CCDC148: variants seen among roughly 807,000 people sequenced by gnomAD.
CCDC148 encodes the protein coiled-coil domain containing 148, also known as coiled-coil domain-containing protein 148.
A neutral mutation model predicts 85.7 loss-of-function variants in CCDC148; 89 were observed. The ratio of observed to expected loss-of-function variants is 1.04; its 90% CI spans 0.87 to 1.24. CCDC148 has a LOEUF of 1.24. Ranked by LOEUF, CCDC148 falls within the 50% of genes most tolerant of loss-of-function variation. The pLI is 0.00. For synonymous variants in CCDC148, 230 were observed against 213.9 expected (o/e 1.08, Z -0.66); for missense variants, 692 against 671.7 (o/e 1.03, Z -0.33).
At chr2:158,338,121 G>A (rs948363690) in intron 7 of CCDC148, among the ~76,000 whole-genome samples, 1 of 151,960 alleles carries the variant, frequency 6.6e-6, no homozygotes, top group South Asian at 2.1e-4. Flanking sequence ...TGGTGTATCC[G>A]GATTTGTCAT....
intron 9 of CCDC148, among the ~76,000 whole-genome samples, chr2:158,268,418 C>T (rs145492819): frequency 9.9e-5 from 15 of 152,106 alleles, no homozygotes; most frequent in African/African-American, 2.7e-4. Context: ...TACCATCTCA[C>T]GTCCTCTATA....
rs1558959680 is a variant in CCDC148, at chr2:158,178,876, C to A, written c.1488+3G>T. 1 of 1,601,942 alleles carries A rather than the reference C, an allele frequency of 6.2e-7. No individual in the cohort carries two copies. Among genetic ancestry groups the A allele is most frequent in the Non-Finnish European group, 8.5e-7 (1 of 1,172,218 alleles). ...CCCATGAAAATTTCCAAATGAAAAA[C>A]ACCTGTTTCCTAAGGGCTTCTAGCC... On this transcript the variant is annotated splice_donor_region_variant and intron_variant, in intron 12 of 13. Transcript: ENST00000283233.
At chr2:158,220,775 GCCATAA>G in intron 10 of CCDC148, 62 bp from the exon 11 acceptor site, 1 of 1,294,500 alleles carries the variant, frequency 7.7e-7, no homozygotes, top group Non-Finnish European at 1.1e-6. Context: ...TGAGGGAAAA[GCCATAA>G]CCATATCCAC....
At chr2:158,195,101 A>T (rs1685605760) in intron 11 of CCDC148, among the ~76,000 whole-genome samples, 2 of 151,898 alleles carry the variant, frequency 1.3e-5, no homozygotes, top group Non-Finnish European at 2.9e-5. Context: ...CTACATATGG[A>T]CCTACATTGG....
At chr2:158,433,921 G>A (rs1218546749) in intron 1 of CCDC148, among the ~76,000 whole-genome samples, 1 of 152,212 alleles carries the variant, frequency 6.6e-6, no homozygotes, top group East Asian at 1.9e-4. Context: ...AGCGAGGCTG[G>A]GGGAGGGGCG....
intron 1 of CCDC148, among the ~76,000 whole-genome samples, chr2:158,437,711 T>C (rs1357204435): frequency 6.6e-6 from 1 of 152,214 alleles, no homozygotes; most frequent in African/African-American, 2.4e-5. Context: ...GATGACATAA[T>C]TGTATATCTA....
At chr2:158,341,444 C>T (rs904077534) in intron 3 of CCDC148, among the ~76,000 whole-genome samples, 8 of 151,830 alleles carry the variant, frequency 5.3e-5, no homozygotes, top group Non-Finnish European at 1.2e-4. Flanking sequence ...GTAGGTGGAA[C>T]TACAGGCATG....
chr2:158,358,114 G>A lies in CCDC148; in HGVS notation c.147+335C>T, dbSNP rs190390815. ...GAGAAGGAGCCTTAATCAGATAATA[G>A]TCCATGGCTGGTAATTACTAACAAT... On this transcript the variant is annotated intron_variant, in intron 2 of 13. Transcript: ENST00000283233. Among the ~76,000 whole-genome samples, 278 of 152,240 alleles carry A rather than the reference G, an allele frequency of 1.8e-3. 1 individual carries two copies. Among genetic ancestry groups the A allele is most frequent in the African/African-American group, 6.2e-3 (259 of 41,540 alleles).
intron 11 of CCDC148, among the ~76,000 whole-genome samples, chr2:158,203,114 C>T (rs542175379): frequency 6.6e-6 from 1 of 152,222 alleles, no homozygotes; most frequent in South Asian, 2.1e-4. Context: ...GTAACTGGAA[C>T]CTTGGTCTGT....
At chr2:158,447,566 C>T (rs929236816) in intron 1 of CCDC148, 14 of 152,174 alleles carry the variant, frequency 9.2e-5, no homozygotes, top group Non-Finnish European at 1.8e-4. Flanking sequence ...TCTTTGTCAT[C>T]ACTGTGTATT....
At chr2:158,354,234 G>A (rs1482246389) in intron 2 of CCDC148, among the ~76,000 whole-genome samples, 3 of 151,922 alleles carry the variant, frequency 2.0e-5, no homozygotes, top group African/African-American at 7.3e-5. Flanking sequence ...AATCAGAGCA[G>A]AACTGAAGGA....
chr2:158,213,746 A>G (rs1686697752), intron 11 of CCDC148, among the ~76,000 whole-genome samples: 1 of 152,108 alleles, frequency 6.6e-6, no homozygotes, highest in African/African-American at 2.4e-5. Context: ...ACTACCCAAC[A>G]TAAAGAATGC....
intron 1 of CCDC148, among the ~76,000 whole-genome samples, chr2:158,397,297 G>A (rs950565687): frequency 6.6e-6 from 1 of 152,018 alleles, no homozygotes; most frequent in African/African-American, 2.4e-5. Flanking sequence ...GATAATCCTC[G>A]AGAAGAGTAA....
Position 158,323,485 on chromosome 2 carries a change from T to C in CCDC148, c.765-9591A>G, listed in dbSNP as rs72942332. ...ACTTAAAATTACATATGTGCTCACA[T>C]GTATAGCTTTTATCATATTTCTATG... On this transcript the variant is annotated intron_variant, in intron 7 of 13. Coordinates refer to ENST00000283233, the MANE Select transcript of CCDC148 (RefSeq NM_138803.4). Among the ~76,000 whole-genome samples the C allele has an allele frequency of 4.8e-3, 724 of 152,350 alleles. 2 individuals are homozygous for C. Among genetic ancestry groups the C allele is most frequent in the Non-Finnish European group, 8.0e-3 (542 of 68,026 alleles).
chr2:158,218,415 T>G (rs1687002973), intron 11 of CCDC148, among the ~76,000 whole-genome samples: 1 of 152,130 alleles, frequency 6.6e-6, no homozygotes, highest in African/African-American at 2.4e-5. Flanking sequence ...ATATGCTTAT[T>G]TTTTTTCTTT....
chr2:158,298,293 T>C (rs1691288282), intron 9 of CCDC148, among the ~76,000 whole-genome samples: 1 of 152,124 alleles, frequency 6.6e-6, no homozygotes, highest in Non-Finnish European at 1.5e-5. Flanking sequence ...CACCATTGTT[T>C]TCAGGAGTTT....
intron 1 of CCDC148, among the ~76,000 whole-genome samples, chr2:158,385,719 C>A (rs1685057753): frequency 6.6e-6 from 1 of 152,082 alleles, no homozygotes; most frequent in East Asian, 1.9e-4. Flanking sequence ...TAGGTCTTAG[C>A]CTCCTGACAC....
chr2:158,322,450 T>C (rs189558273), intron 7 of CCDC148, among the ~76,000 whole-genome samples: 2 of 152,164 alleles, frequency 1.3e-5, no homozygotes, highest in Admixed American at 1.3e-4. Context: ...GATATGTGTA[T>C]AGTTTTTTTT....
chr2:158,175,260 C>G (rs1684521084), intron 13 of CCDC148, among the ~76,000 whole-genome samples: 1 of 152,066 alleles, frequency 6.6e-6, no homozygotes, highest in Admixed American at 6.6e-5. Flanking sequence ...CTCCCCACTT[C>G]AGCAGCTAGG....
Sources: allele counts gnomAD v4.1 joint callset (sites outside exome capture counted in the v4.1 genomes callset), GRCh38; gene constraint gnomAD v4.1.1; transcripts MANE v1.5; gene names NCBI Gene and HGNC (gene_info 2026-07-23, HGNC 2026-07-21).